PPP3R1: variants seen among roughly 807,000 people sequenced by gnomAD.
PPP3R1 encodes calcineurin subunit B type 1.
A neutral mutation model predicts 22.6 loss-of-function variants in PPP3R1; 5 were observed. The observed-to-expected ratio is 0.22, with a 90% CI of 0.12 to 0.46. PPP3R1 has a LOEUF of 0.46. Ranked by LOEUF, PPP3R1 falls within the 20% of genes least tolerant of loss-of-function variation. The pLI is 0.99. For synonymous variants in PPP3R1, 56 were observed against 65.2 expected, an observed-to-expected ratio of 0.86 and a Z score of 0.68; for missense variants, 61 against 203.2, an observed-to-expected ratio of 0.30 and a Z score of 4.25.
At chr2:68,222,214 G>A in intron 1 of PPP3R1, among the ~76,000 whole-genome samples, 1 of 152,238 alleles carries the variant, frequency 6.6e-6, no homozygotes, top group East Asian at 1.9e-4. Context: ...GCTGTTGTCA[G>A]GATCTTACAC....
intron 2 of PPP3R1, among the ~76,000 whole-genome samples, chr2:68,214,021 T>A (rs1479894601): frequency 1.3e-5 from 2 of 151,920 alleles, no homozygotes; most frequent in Non-Finnish European, 2.9e-5. Context: ...TACAACAAAT[T>A]TGACAAAAAC....
At chr2:68,187,992 A>G (rs1040606146) in intron 3 of PPP3R1, among the ~76,000 whole-genome samples, 1 of 152,112 alleles carries the variant, frequency 6.6e-6, no homozygotes, top group African/African-American at 2.4e-5. Flanking sequence ...CAACATGGTG[A>G]AATCTCGTTT....
intron 1 of PPP3R1, among the ~76,000 whole-genome samples, chr2:68,248,781 A>G (rs1379245409): frequency 6.6e-6 from 1 of 152,186 alleles, no homozygotes; most frequent in East Asian, 1.9e-4. Flanking sequence ...CCTCCTTCAT[A>G]AAACTTTTCC....
chr2:68,222,204 G>A (rs992135369), intron 1 of PPP3R1, among the ~76,000 whole-genome samples: 1 of 152,148 alleles, frequency 6.6e-6, no homozygotes, highest in African/African-American at 2.4e-5. Context: ...ATGGATGTAT[G>A]CTGTTGTCAG....
At chr2:68,223,952 A>G (rs1669736029) in intron 1 of PPP3R1, among the ~76,000 whole-genome samples, 1 of 152,160 alleles carries the variant, frequency 6.6e-6, no homozygotes, top group Non-Finnish European at 1.5e-5. Context: ...CAAGACGGCA[A>G]GATAAAAGGT....
At position 68,250,152 on chromosome 2, in the gene PPP3R1, G is replaced by GA. The variant is rs1330746547; in HGVS notation, c.3+1972dup. 6.0e-4 allele frequency among the ~76,000 whole-genome samples: 87 copies of GA among 143,972 alleles called. 1 individual carries two copies. The highest frequency in any genetic ancestry group is 1.5e-3 in the Admixed American group (21 of 14,442). 94.5% of individuals were successfully genotyped at this position (143,972 alleles called of 152,430 possible). On this transcript the variant is annotated intron_variant, in intron 1 of 5. Transcript: ENST00000234310. ...AAATGGTATTGGGAGGATGAAAGAG[G>GA]AAAAAAAAAAACCCAACAGTTGAAT...
At chr2:68,200,452 C>T (rs1674952056) in intron 2 of PPP3R1, among the ~76,000 whole-genome samples, 1 of 152,132 alleles carries the variant, frequency 6.6e-6, no homozygotes, top group South Asian at 2.1e-4. Context: ...AAAATACATT[C>T]TTAGAATTAT....
intron 1 of PPP3R1, among the ~76,000 whole-genome samples, chr2:68,230,512 C>T (rs1467456748): frequency 6.6e-6 from 1 of 152,266 alleles, no homozygotes; most frequent in Non-Finnish European, 1.5e-5. Flanking sequence ...ACCTTTAGAA[C>T]CACATCAGTA....
intron 1 of PPP3R1, among the ~76,000 whole-genome samples, chr2:68,232,433 T>C (rs1669935719): frequency 6.7e-6 from 1 of 148,704 alleles, no homozygotes; most frequent in African/African-American, 2.5e-5. Context: ...AGAGTGAGAC[T>C]CTTGTCTCAA....
intron 1 of PPP3R1, among the ~76,000 whole-genome samples, chr2:68,247,116 C>T (rs900229742): frequency 4.7e-5 from 7 of 148,512 alleles, no homozygotes; most frequent in Non-Finnish European, 9.1e-5. Context: ...CCACTGTGCC[C>T]GCCTAATTTT....
chr2:68,184,917 T>C (rs1343615625), intron 5 of PPP3R1, among the ~76,000 whole-genome samples: 4 of 152,082 alleles, frequency 2.6e-5, no homozygotes, highest in Admixed American at 6.5e-5. Context: ...GCGAGACCCC[T>C]GTCTACAAAA....
chr2:68,198,352 CATATATAT>C (rs1674868408), intron 2 of PPP3R1, among the ~76,000 whole-genome samples: 3 of 89,708 alleles, frequency 3.3e-5, no homozygotes, highest in African/African-American at 8.6e-5. Flanking sequence ...CATGTATATG[CATATATAT>C]GTACATATAT....
At chr2:68,181,345 A>G (rs960657345) in intron 5 of PPP3R1, among the ~76,000 whole-genome samples, 4 of 151,244 alleles carry the variant, frequency 2.6e-5, no homozygotes, top group African/African-American at 9.7e-5. Flanking sequence ...GTGAGCCTAT[A>G]TCGCGCCACT....
At chr2:68,247,145 G>T (rs754616064) in intron 1 of PPP3R1, among the ~76,000 whole-genome samples, 7 of 152,094 alleles carry the variant, frequency 4.6e-5, no homozygotes, top group Admixed American at 1.3e-4. Flanking sequence ...TGTACAGATG[G>T]GCTTTCACCA....
intron 2 of PPP3R1, among the ~76,000 whole-genome samples, chr2:68,216,481 A>ATTTTT (rs772384738): frequency 1.3e-5 from 2 of 151,438 alleles, no homozygotes; most frequent in East Asian, 2.0e-4. Context: ...AAAAATTAAA[A>ATTTTT]AAAAAAAAGG....
chr2:68,209,531 A>G (rs1300460843), intron 2 of PPP3R1, among the ~76,000 whole-genome samples: 1 of 151,974 alleles, frequency 6.6e-6, no homozygotes, highest in Non-Finnish European at 1.5e-5. Context: ...AGGTGCATGG[A>G]TTGTTTGAGC....
chr2:68,230,529 T>A (rs1669876746), intron 1 of PPP3R1, among the ~76,000 whole-genome samples: 1 of 152,278 alleles, frequency 6.6e-6, no homozygotes, highest in African/African-American at 2.4e-5. Flanking sequence ...AGTATTGTAA[T>A]TTTTGCTTCA....
chr2:68,187,493 T>A (rs1674569799), intron 3 of PPP3R1, among the ~76,000 whole-genome samples, 179 bp from the exon 4 acceptor site: 1 of 152,036 alleles, frequency 6.6e-6, no homozygotes, highest in Non-Finnish European at 1.5e-5. Flanking sequence ...CTCTCTGTAT[T>A]TTTTTTATTT....
At chr2:68,197,843 G>A (rs1572956177) in intron 2 of PPP3R1, among the ~76,000 whole-genome samples, 2 of 151,348 alleles carry the variant, frequency 1.3e-5, no homozygotes, top group Admixed American at 6.6e-5. Flanking sequence ...TTCCCTTTAT[G>A]ATTCCTGTTT....
Sources: allele counts gnomAD v4.1 joint callset (sites outside exome capture counted in the v4.1 genomes callset), GRCh38; gene constraint gnomAD v4.1.1; transcripts MANE v1.5; gene names NCBI Gene and HGNC (gene_info 2026-07-23, HGNC 2026-07-21).